The following FBXO17 variants were observed in gnomAD, a reference collection of about 807,000 sequenced individuals.
The protein encoded by FBXO17 is F-box protein 17, also known as F-box only protein 17.
A neutral mutation model predicts 34.1 loss-of-function variants in FBXO17; 43 were observed. The ratio of observed to expected loss-of-function variants is 1.26; its 90% CI spans 0.99 to 1.62. The LOEUF (loss-of-function observed/expected upper bound fraction) is 1.62, where lower values mean the gene tolerates loss of function less well. Ranked by LOEUF, FBXO17 falls within the 40% of genes most tolerant of loss-of-function variation. The pLI is 0.00. For missense variants in FBXO17, 424 were observed against 386.7 expected (o/e 1.10, Z -0.81); for synonymous variants, 169 against 166.0 (o/e 1.02, Z -0.14).
intron 1 of FBXO17, 23 bp from the exon 2 acceptor site, chr19:38,950,359 A>G: frequency 1.4e-6 from 2 of 1,397,582 alleles, no homozygotes; most frequent in Non-Finnish European, 1.8e-6. Context: ...AGGGGTCGGT[A>G]GGCGGGTCAG....
At chr19:38,972,275 C>T (rs1975400066) in intron 1 of FBXO17, among the ~76,000 whole-genome samples, 1 of 152,106 alleles carries the variant, frequency 6.6e-6, no homozygotes, top group Non-Finnish European at 1.5e-5. Context: ...AGCAGTGGCT[C>T]ACTCACACCT....
chr19:38,948,774 C>T, intron 2 of FBXO17, 96 bp from the exon 3 acceptor site: 1 of 986,846 alleles, frequency 1.0e-6, no homozygotes, highest in Non-Finnish European at 1.6e-6. Context: ...CCAGCCTCTC[C>T]CTCTTGTGCT....
chr19:38,961,282 C>CTTTTT (rs113778086), intron 1 of FBXO17, among the ~76,000 whole-genome samples: 25,297 of 142,372 alleles, frequency 0.18, 3,288 homozygotes, highest in African/African-American at 0.34. Flanking sequence ...GATTTTAAAT[C>CTTTTT]TTTTTTTTTT....
At chr19:38,959,856 A>G (rs1040793433) in intron 1 of FBXO17, among the ~76,000 whole-genome samples, 3 of 152,100 alleles carry the variant, frequency 2.0e-5, no homozygotes, top group Admixed American at 6.6e-5. Context: ...TGATTGCACT[A>G]CTGCATTCCA....
chr19:38,944,632 C>G, intron 5 of FBXO17: 1 of 234,940 alleles, frequency 4.3e-6, no homozygotes, highest in Non-Finnish European at 7.2e-6. Flanking sequence ...CTGCACTGGA[C>G]CAGTCACATA....
intron 1 of FBXO17, among the ~76,000 whole-genome samples, chr19:38,966,734 A>C (rs1975326389): frequency 6.6e-6 from 1 of 152,228 alleles, no homozygotes; most frequent in Non-Finnish European, 1.5e-5. Flanking sequence ...GATAAAGTTC[A>C]CAAAAAAGGA....
At chr19:38,946,407 C>A in intron 4 of FBXO17, 65 bp downstream of exon 4, 2 of 1,605,256 alleles carry the variant, frequency 1.2e-6, no homozygotes, top group African/African-American at 1.3e-5. Flanking sequence ...GGGAAATGAG[C>A]CCCTGTTGCA....
At chr19:38,944,490 C>T (rs903768514) in intron 5 of FBXO17, among the ~76,000 whole-genome samples, 1 of 152,126 alleles carries the variant, frequency 6.6e-6, no homozygotes, top group African/African-American at 2.4e-5. Context: ...GCTGTCCTCC[C>T]ATCTTGGCCT....
intron 1 of FBXO17, among the ~76,000 whole-genome samples, chr19:38,970,228 G>A (rs1224411506): frequency 1.3e-5 from 2 of 150,166 alleles, no homozygotes; most frequent in African/African-American, 4.9e-5. Context: ...TTTTTTTTGA[G>A]ACAGGGTCTC....
rs1277128874 is a variant in FBXO17, at chr19:38,951,226, A to G, written c.-17-890T>C. Among the ~76,000 whole-genome samples the G allele has an allele frequency of 5.3e-5, 8 of 151,222 alleles. No individual in the cohort carries two copies. The East Asian group carries it at 1.2e-3, about 22-fold the overall frequency. On this transcript the variant is annotated intron_variant, in intron 1 of 5. Coordinates refer to ENST00000292852, the MANE Select transcript of FBXO17 (RefSeq NM_024907.7). ...TTTTATTATTATTACTTTTTTATGG[A>G]GCTAGAAACCAGGACTATAGCCTCT...
At position 38,952,427 on chromosome 19, in the gene FBXO17, C is replaced by T. The variant is rs537360223; in HGVS notation, c.-17-2091G>A. The T allele has an allele frequency of 3.0e-5, 13 of 434,132 alleles. No homozygotes were observed. In the East Asian group the frequency reaches 5.5e-4, roughly 18 times the overall value. 26.9% of individuals were successfully genotyped at this position (434,132 alleles called of 1,614,324 possible). A position where few individuals can be genotyped will look rare whatever the true frequency, so the allele number is the denominator to read the frequency against. On this transcript the variant is annotated intron_variant, in intron 1 of 5. Transcript: ENST00000292852. ...TTCTTGCCTCAGTTACTTCTCTGAACATTCCTACCACCTTCTTGCTCTAAC... is the reference window on the plus strand; with the variant it reads ...TTCTTGCCTCAGTTACTTCTCTGAATATTCCTACCACCTTCTTGCTCTAAC...
chr19:38,948,739 G>T, intron 2 of FBXO17, 61 bp from the exon 3 acceptor site: 1 of 1,448,896 alleles, frequency 6.9e-7, no homozygotes, highest in Non-Finnish European at 9.6e-7. Flanking sequence ...AAGAGACCCC[G>T]CAACCAGCCA....
At chr19:38,959,764 T>C (rs1286431518) in intron 1 of FBXO17, among the ~76,000 whole-genome samples, 2 of 151,950 alleles carry the variant, frequency 1.3e-5, no homozygotes, top group Non-Finnish European at 2.9e-5. Context: ...GACCTGGTGG[T>C]GTACACTTGT....
chr19:38,972,959 T>G (rs1048524069), intron 1 of FBXO17, among the ~76,000 whole-genome samples: 3 of 152,170 alleles, frequency 2.0e-5, no homozygotes, highest in African/African-American at 7.2e-5. Context: ...GGTTTCAACA[T>G]GTTGGCCAGG....
At chr19:38,951,750 A>G (rs1415458758) in intron 1 of FBXO17, among the ~76,000 whole-genome samples, 2 of 151,164 alleles carry the variant, frequency 1.3e-5, no homozygotes, top group African/African-American at 4.9e-5. Flanking sequence ...CCCAGGTTCA[A>G]GTGATTCTCC....
chr19:38,949,810 C>T, intron 2 of FBXO17, 161 bp downstream of exon 2: 1 of 904,216 alleles, frequency 1.1e-6, no homozygotes, highest in Non-Finnish European at 1.6e-6. Context: ...CAGCCCCGCC[C>T]ACCGGGCCTA....
chr19:38,951,242 T>G (rs1253278556), intron 1 of FBXO17, among the ~76,000 whole-genome samples: 1 of 152,010 alleles, frequency 6.6e-6, no homozygotes, highest in Non-Finnish European at 1.5e-5. Context: ...AAACCAGGAC[T>G]ATAGCCTCTA....
At chr19:38,955,119 G>C (rs1975148751) in intron 1 of FBXO17, among the ~76,000 whole-genome samples, 1 of 151,406 alleles carries the variant, frequency 6.6e-6, no homozygotes, top group Non-Finnish European at 1.5e-5. Flanking sequence ...TTTTAGTAGA[G>C]ACGGGGTTTC....
At chr19:38,973,919 G>T (rs532227438) in intron 1 of FBXO17, among the ~76,000 whole-genome samples, 1 of 151,242 alleles carries the variant, frequency 6.6e-6, no homozygotes, top group South Asian at 2.1e-4. Context: ...GGAGGTTGAG[G>T]CTGCAGTGAG....
Sources: gnomAD v4.1 joint callset for allele counts (sites outside exome capture counted in the v4.1 genomes callset) on GRCh38, gnomAD v4.1.1 for gene constraint, MANE v1.5 for transcripts, NCBI Gene and HGNC (gene_info 2026-07-23, HGNC 2026-07-21) for gene names.